TMPRSS11D: variants seen among roughly 807,000 people sequenced by gnomAD.
TMPRSS11D encodes transmembrane protease serine 11D.
TMPRSS11D carries 32 observed loss-of-function variants against 44.4 expected under a neutral mutation model. That is an observed-to-expected ratio of 0.72 (90% CI 0.54 to 0.97). The LOEUF (loss-of-function observed/expected upper bound fraction) is 0.97, where lower values mean the gene tolerates loss of function less well. Ranked by LOEUF, TMPRSS11D falls within the 50% of genes least tolerant of loss-of-function variation. TMPRSS11D has a pLI of 0.00. For missense variants in TMPRSS11D, 446 were observed against 502.6 expected (o/e 0.89, Z 1.08); for synonymous variants, 179 against 177.9 (o/e 1.01, Z -0.05).
chr4:67,861,774 C>A (rs1387722091), intron 1 of TMPRSS11D, among the ~76,000 whole-genome samples: 1 of 152,020 alleles, frequency 6.6e-6, no homozygotes, highest in Admixed American at 6.6e-5. Context: ...GGGTGTGGAG[C>A]CCAAATTACC....
chr4:67,826,726 C>T (rs1299481725), intron 8 of TMPRSS11D, among the ~76,000 whole-genome samples: 1 of 150,528 alleles, frequency 6.6e-6, no homozygotes, highest in Non-Finnish European at 1.5e-5. Flanking sequence ...GAATTCCAGA[C>T]CAGCCTGGGC....
At chr4:67,840,735 T>C (rs1718210526) in intron 4 of TMPRSS11D, among the ~76,000 whole-genome samples, 1 of 152,182 alleles carries the variant, frequency 6.6e-6, no homozygotes, top group South Asian at 2.1e-4. Context: ...TTACACAATG[T>C]GATTATTATG....
chr4:67,864,880 A>G (rs1380847482), intron 1 of TMPRSS11D, among the ~76,000 whole-genome samples: 1 of 151,870 alleles, frequency 6.6e-6, no homozygotes, highest in Non-Finnish European at 1.5e-5. Context: ...TAAAACAAAT[A>G]TTACCACACT....
At chr4:67,829,444 CG>C (rs1458387447) in intron 7 of TMPRSS11D, among the ~76,000 whole-genome samples, 4 of 47,396 alleles carry the variant, frequency 8.4e-5, no homozygotes, top group South Asian at 6.9e-4. Flanking sequence ...AGAACAGTAG[CG>C]TTAAAAAAAA....
At position 67,847,973 on chromosome 4, in the gene TMPRSS11D, G is replaced by A. The variant is rs369807219; in HGVS notation, c.250-5348C>T. On this transcript the variant is annotated intron_variant, in intron 3 of 9. Transcript: ENST00000283916. Reference sequence around the variant, plus strand: ...CAACAAATATTTGAACACCAAGTATGTGCCAAATTCTCTTCTAGGCTTTCA... The same window carrying A: ...CAACAAATATTTGAACACCAAGTATATGCCAAATTCTCTTCTAGGCTTTCA... 3.3e-5 allele frequency among the ~76,000 whole-genome samples: 5 copies of A among 152,204 alleles called. No homozygotes were observed. The South Asian group carries it at 1.0e-3, about 32-fold the overall frequency.
chr4:67,850,712 G>C (rs1053636442), intron 3 of TMPRSS11D, among the ~76,000 whole-genome samples: 2 of 152,214 alleles, frequency 1.3e-5, no homozygotes, highest in African/African-American at 4.8e-5. Flanking sequence ...GCCTCCAACG[G>C]GAGCTGTGCA....
chr4:67,850,037 A>C (rs1718463293), intron 3 of TMPRSS11D, among the ~76,000 whole-genome samples: 1 of 152,188 alleles, frequency 6.6e-6, no homozygotes, highest in Non-Finnish European at 1.5e-5. Flanking sequence ...TAACTAGGGA[A>C]CTCATACATC....
At chr4:67,850,678 C>T (rs1158129974) in intron 3 of TMPRSS11D, among the ~76,000 whole-genome samples, 1 of 152,120 alleles carries the variant, frequency 6.6e-6, no homozygotes, top group East Asian at 1.9e-4. Context: ...CAGGCAGAGC[C>T]CCAGGTCTGC....
At chr4:67,838,514 T>C (rs1718156699) in intron 4 of TMPRSS11D, among the ~76,000 whole-genome samples, 185 bp from the exon 5 acceptor site, 1 of 152,214 alleles carries the variant, frequency 6.6e-6, no homozygotes, top group South Asian at 2.1e-4. Flanking sequence ...TTATTTGATT[T>C]CAATGCACAG....
At chr4:67,847,635 C>T (rs1389701500) in intron 3 of TMPRSS11D, among the ~76,000 whole-genome samples, 1 of 152,176 alleles carries the variant, frequency 6.6e-6, no homozygotes, top group Non-Finnish European at 1.5e-5. Flanking sequence ...AATGTCTTCA[C>T]ACATTTCATG....
intron 3 of TMPRSS11D, among the ~76,000 whole-genome samples, chr4:67,849,749 A>C (rs960409669): frequency 6.6e-6 from 1 of 152,228 alleles, no homozygotes; most frequent in Admixed American, 6.5e-5. Flanking sequence ...CTGCTCATTC[A>C]GTGTTAACAC....
intron 3 of TMPRSS11D, among the ~76,000 whole-genome samples, chr4:67,849,655 A>G (rs1036348476): frequency 1.3e-5 from 2 of 152,326 alleles, no homozygotes; most frequent in Non-Finnish European, 2.9e-5. Context: ...TAGTCCAACT[A>G]TTTTATTTTA....
chr4:67,856,504 G>A (rs1356090925), intron 2 of TMPRSS11D, among the ~76,000 whole-genome samples: 1 of 152,104 alleles, frequency 6.6e-6, no homozygotes, highest in African/African-American at 2.4e-5. Context: ...AGACTTAAAT[G>A]TAAGACTTAA....
intron 1 of TMPRSS11D, among the ~76,000 whole-genome samples, chr4:67,880,233 G>T (rs560094373): frequency 6.6e-6 from 1 of 152,076 alleles, no homozygotes; most frequent in Non-Finnish European, 1.5e-5. Flanking sequence ...TAGATGTCTC[G>T]TACCAAGAGG....
chr4:67,835,001 T>C, intron 6 of TMPRSS11D, 82 bp downstream of exon 6: 1 of 1,309,454 alleles, frequency 7.6e-7, no homozygotes, highest in Non-Finnish European at 1.1e-6. Context: ...GATACTGCCT[T>C]GGCCAAAAGT....
chr4:67,830,282 T>C (rs1321202947), intron 7 of TMPRSS11D, among the ~76,000 whole-genome samples: 1 of 151,902 alleles, frequency 6.6e-6, no homozygotes, highest in African/African-American at 2.4e-5. Flanking sequence ...GTATGAGGCA[T>C]ATGGGTGGAA....
chr4:67,842,491 T>G, intron 4 of TMPRSS11D, 67 bp downstream of exon 4: 9 of 1,281,588 alleles, frequency 7.0e-6, no homozygotes, highest in Non-Finnish European at 1.0e-5. Flanking sequence ...CTATTCATTC[T>G]GTGACAAAAA....
intron 1 of TMPRSS11D, among the ~76,000 whole-genome samples, chr4:67,878,692 G>A (rs1229991819): frequency 1.3e-5 from 2 of 152,134 alleles, no homozygotes; most frequent in Admixed American, 6.5e-5. Context: ...TTGGGAGGCC[G>A]AGGTGGGCAG....
chr4:67,837,863 C>T (rs370815005), intron 5 of TMPRSS11D, among the ~76,000 whole-genome samples: 67 of 152,214 alleles, frequency 4.4e-4, no homozygotes, highest in African/African-American at 1.5e-3. Context: ...CCTTGAGCAT[C>T]TATGTACCCC....
Sources: allele counts gnomAD v4.1 joint callset (sites outside exome capture counted in the v4.1 genomes callset), GRCh38; gene constraint gnomAD v4.1.1; transcripts MANE v1.5; gene names NCBI Gene and HGNC (gene_info 2026-07-23, HGNC 2026-07-21).